The following DOCK2 variants were observed in gnomAD, a reference collection of about 807,000 sequenced individuals.
The protein encoded by DOCK2 is dedicator of cytokinesis 2.
DOCK2 carries 87 observed loss-of-function variants against 248.9 expected under a neutral mutation model. The ratio of observed to expected loss-of-function variants is 0.35; its 90% confidence interval spans 0.29 to 0.42. DOCK2 has a LOEUF of 0.42. DOCK2 is among the 10% of genes least tolerant of loss of function. The pLI is 1.00. For synonymous variants in DOCK2, 805 were observed against 821.6 expected, an observed-to-expected ratio of 0.98 and a Z score of 0.35; for missense variants, 1,747 against 2,300.2, an observed-to-expected ratio of 0.76 and a Z score of 4.92.
chr5:170,063,128 C>G (rs1757385978), intron 44 of DOCK2, among the ~76,000 whole-genome samples: 1 of 151,988 alleles, frequency 6.6e-6, no homozygotes, highest in Non-Finnish European at 1.5e-5. Context: ...CGCCAAAGAC[C>G]ACAGGAAAAA....
At chr5:169,691,083 G>A (rs903860126) in intron 9 of DOCK2, among the ~76,000 whole-genome samples, 5 of 152,132 alleles carry the variant, frequency 3.3e-5, no homozygotes, top group East Asian at 1.9e-4. Context: ...CTTCTGGGGG[G>A]GCCTCAGGAA....
chr5:169,903,936 C>CA (rs979763686), intron 27 of DOCK2, among the ~76,000 whole-genome samples: 7 of 151,802 alleles, frequency 4.6e-5, no homozygotes, highest in African/African-American at 1.7e-4. Flanking sequence ...TCTGCCTCTA[C>CA]AAAAAATACA....
intron 27 of DOCK2, among the ~76,000 whole-genome samples, chr5:169,969,350 CA>C (rs1339803307): frequency 6.6e-6 from 1 of 151,984 alleles, no homozygotes; most frequent in Non-Finnish European, 1.5e-5. Flanking sequence ...GAGGCTGAGG[CA>C]GGAGATTCAC....
At chr5:169,705,695 TC>T (rs1450585828) in intron 14 of DOCK2, among the ~76,000 whole-genome samples, 2 of 152,206 alleles carry the variant, frequency 1.3e-5, no homozygotes, top group African/African-American at 2.4e-5. Flanking sequence ...CTAATCGACA[TC>T]CCATGATGTG....
intron 27 of DOCK2, among the ~76,000 whole-genome samples, chr5:169,895,433 C>T (rs919569143): frequency 2.6e-5 from 4 of 151,998 alleles, no homozygotes; most frequent in South Asian, 2.1e-4. Flanking sequence ...CCTGGAGATC[C>T]GGGGACAGGG....
rs748330909 is a variant in DOCK2 at position 170,055,364 on chromosome 5, C to G, written c.4273C>G (p.Pro1425Ala). 6.2e-7 allele frequency: 1 copy of G among 1,614,048 alleles called. No homozygotes were observed. Among genetic ancestry groups the G allele is most frequent in the Non-Finnish European group, 8.5e-7 (1 of 1,179,906 alleles). The change falls in exon 42 of 52, where the codon CCA becomes GCA. Residue 1425 changes from proline to alanine, a missense_variant. Transcript: ENST00000520908. ...LDEHPRFKNKPVPDQIINFYK... is the reference protein window; with the variant it reads ...LDEHPRFKNKAVPDQIINFYK... ...TGAACATCCCAGGTTCAAGAATAAG[C>G]CAGTGCCTGACCAGATTATAAAGTA...
Position 170,019,075 on chromosome 5 carries a change from G to C in DOCK2, c.3348G>C (p.Leu1116=), listed in dbSNP as rs751485510. The stretch of plus-strand genomic sequence containing the variant: ...TACCAATCTTCTTCGACATGATGCT[G>C]TGTGAATATCAAAGAAGTGGGGATT... ...ATIPIFFDMM[L]CEYQRSGDFK... is the part of the protein sequence containing the mutation. Residue 1116 remains leucine (L), a synonymous_variant, in exon 33 of 52, where the codon CTG becomes CTC. Coordinates refer to ENST00000520908, the MANE Select transcript of DOCK2 (RefSeq NM_004946.3). 2.0e-5 allele frequency: 33 copies of C among 1,614,074 alleles called. No individual in the cohort carries two copies. The African/African-American group carries it at 2.1e-4, about 10-fold the overall frequency.
intron 27 of DOCK2, among the ~76,000 whole-genome samples, chr5:169,908,321 G>A (rs969424496): frequency 6.6e-6 from 1 of 151,844 alleles, no homozygotes; most frequent in African/African-American, 2.4e-5. Flanking sequence ...AAGCACATGC[G>A]ATTCTTGTGT....
At chr5:169,995,999 G>A (rs1754616662) in intron 29 of DOCK2, 87 bp from the exon 30 acceptor site, 1 of 1,435,684 alleles carries the variant, frequency 7.0e-7, no homozygotes, top group Non-Finnish European at 9.6e-7. Context: ...TCTCCAAAGA[G>A]GGTAAGGGAA....
chr5:170,050,497 G>C (rs777609609), intron 41 of DOCK2, 100 bp downstream of exon 41: 36 of 1,409,046 alleles, frequency 2.6e-5, no homozygotes, highest in Non-Finnish European at 3.4e-5. Context: ...GCTGCTGCCA[G>C]AATCATTGCA....
intron 32 of DOCK2, among the ~76,000 whole-genome samples, chr5:170,016,754 A>G (rs530338297): frequency 6.6e-6 from 1 of 152,318 alleles, no homozygotes; most frequent in Non-Finnish European, 1.5e-5. Flanking sequence ...GGCTTATCTG[A>G]CAGTTTCCCA....
chr5:169,668,910 G>C (rs1758876129), intron 2 of DOCK2, among the ~76,000 whole-genome samples: 1 of 152,068 alleles, frequency 6.6e-6, no homozygotes, highest in Non-Finnish European at 1.5e-5. Context: ...ATGGTCACAG[G>C]GCCCAGGAAG....
intron 23 of DOCK2, among the ~76,000 whole-genome samples, chr5:169,758,743 T>C (rs993140266): frequency 6.6e-6 from 1 of 152,244 alleles, no homozygotes; most frequent in African/African-American, 2.4e-5. Flanking sequence ...ATTAGCAGTC[T>C]TTGGTACAGC....
intron 25 of DOCK2, among the ~76,000 whole-genome samples, chr5:169,767,426 A>G (rs947293966): frequency 6.6e-6 from 1 of 152,112 alleles, no homozygotes. Flanking sequence ...AGTGGTTATT[A>G]CTTTGGTGAT....
intron 40 of DOCK2, among the ~76,000 whole-genome samples, chr5:170,048,253 G>A (rs761769878): frequency 5.3e-5 from 8 of 151,952 alleles, no homozygotes; most frequent in East Asian, 1.9e-4. Flanking sequence ...TTAGCTGGGC[G>A]TGGTGATGCG....
chr5:169,818,253 T>C (rs778222277), intron 26 of DOCK2, among the ~76,000 whole-genome samples: 7 of 152,216 alleles, frequency 4.6e-5, no homozygotes, highest in Admixed American at 2.6e-4. Context: ...TGCCCAGCTT[T>C]ACGATGTCTG....
chr5:169,708,058 C>A, intron 14 of DOCK2, 111 bp from the exon 15 acceptor site: 3 of 1,037,986 alleles, frequency 2.9e-6, no homozygotes, highest in Non-Finnish European at 4.3e-6. Context: ...CTAGGGAAGG[C>A]AGGGTTGGCC....
intron 25 of DOCK2, among the ~76,000 whole-genome samples, chr5:169,778,445 G>A (rs943156999): frequency 2.0e-5 from 3 of 152,180 alleles, no homozygotes; most frequent in African/African-American, 4.8e-5. Flanking sequence ...ACTCAGCAGT[G>A]TGCTCTTATT....
At chr5:169,897,341 C>T (rs1773671146) in intron 27 of DOCK2, among the ~76,000 whole-genome samples, 1 of 152,132 alleles carries the variant, frequency 6.6e-6, no homozygotes, top group Non-Finnish European at 1.5e-5. Context: ...CACACCACCA[C>T]ACCCAGCTAA....
Sources: allele counts gnomAD v4.1 joint callset (sites outside exome capture counted in the v4.1 genomes callset), GRCh38; gene constraint gnomAD v4.1.1; transcripts MANE v1.5; gene names NCBI Gene and HGNC (gene_info 2026-07-23, HGNC 2026-07-21).